Variants in USP2 observed in about 807,000 individuals in gnomAD.
The protein encoded by USP2 is ubiquitin specific peptidase 2.
A neutral mutation model predicts 72.0 loss-of-function variants in USP2; 33 were observed. The ratio of observed to expected loss-of-function variants is 0.46; its 90% CI spans 0.35 to 0.61. The LOEUF (loss-of-function observed/expected upper bound fraction) is 0.61. Among genes scored for constraint, USP2 ranks in the 20% least tolerant of loss-of-function variants. The pLI, the probability that USP2 is intolerant of heterozygous loss-of-function variation, is 0.01. For missense variants in USP2, 691 were observed against 797.8 expected (o/e 0.87, Z 1.61); for synonymous variants, 296 against 312.5 (o/e 0.95, Z 0.56).
intron 2 of USP2, among the ~76,000 whole-genome samples, chr11:119,361,656 T>G (rs1950767350): frequency 6.6e-6 from 1 of 151,954 alleles, no homozygotes; most frequent in South Asian, 2.1e-4. Flanking sequence ...AAGGAGGGCT[T>G]TTCTCAAGAA....
intron 12 of USP2, 75 bp downstream of exon 12, chr11:119,357,112 T>TTGGGGGGAGGGTGGAGGAG (rs2135384461): frequency 1.5e-6 from 1 of 669,064 alleles, no homozygotes; most frequent in Admixed American, 4.3e-5. Flanking sequence ...GGGGGTGGGT[T>TTGGGGGGAGGGTGGAGGAG]TGGGGGGAGG....
intron 2 of USP2, among the ~76,000 whole-genome samples, chr11:119,370,131 C>T (rs1327861946): frequency 3.9e-5 from 6 of 152,110 alleles, no homozygotes; most frequent in African/African-American, 9.7e-5. Flanking sequence ...GCCGAGATCG[C>T]ACCACTGCAC....
At chr11:119,359,178 G>A in intron 5 of USP2, 44 bp from the exon 6 acceptor site, 1 of 1,612,938 alleles carries the variant, frequency 6.2e-7, no homozygotes, top group Non-Finnish European at 8.5e-7. Flanking sequence ...CTTGTCCTAA[G>A]AACCTGCTCC....
chr11:119,378,816 C>T (rs894467565), intron 1 of USP2, among the ~76,000 whole-genome samples: 6 of 152,194 alleles, frequency 3.9e-5, no homozygotes, highest in African/African-American at 1.2e-4. Flanking sequence ...GGGAGAGCCC[C>T]GGTCTCCTTC....
intron 1 of USP2, among the ~76,000 whole-genome samples, chr11:119,380,534 T>C (rs758741764): frequency 6.6e-6 from 1 of 152,072 alleles, no homozygotes; most frequent in Non-Finnish European, 1.5e-5. Context: ...TCTTAGCCTC[T>C]CTGGCCTTGG....
chr11:119,376,298 G>A (rs1444470496), intron 1 of USP2: 2 of 985,568 alleles, frequency 2.0e-6, no homozygotes, highest in Non-Finnish European at 2.4e-6. Context: ...CCGGAGTCTC[G>A]CTGCGCAAGA....
At chr11:119,358,106 A>C in intron 8 of USP2, 43 bp downstream of exon 8, 1 of 1,614,116 alleles carries the variant, frequency 6.2e-7, no homozygotes, top group Non-Finnish European at 8.5e-7. Context: ...ACATGAAAGG[A>C]CAGGAGAGGG....
At chr11:119,377,842 G>A (rs996821759) in intron 1 of USP2, among the ~76,000 whole-genome samples, 1 of 152,296 alleles carries the variant, frequency 6.6e-6, no homozygotes, top group Non-Finnish European at 1.5e-5. Context: ...AGGAATTCCA[G>A]GCGCTCCTGG....
At chr11:119,359,948 C>T (rs1950737101) in intron 3 of USP2, among the ~76,000 whole-genome samples, 1 of 152,168 alleles carries the variant, frequency 6.6e-6, no homozygotes, top group African/African-American at 2.4e-5. Flanking sequence ...GGGGAATGAT[C>T]CAGGAGAGGA....
Position 119,357,509 on chromosome 11 carries a change from A to G in USP2, c.1583T>C (p.Leu528Ser). 1 of 1,614,064 alleles carries G rather than the reference A, an allele frequency of 6.2e-7. No homozygotes were observed. The highest frequency in any genetic ancestry group is 8.5e-7 in the Non-Finnish European group (1 of 1,180,010). The change falls in exon 11 of 13, where the codon TTA becomes TCA. Residue 528 changes from leucine to serine, a missense_variant. Physicochemically the swap from Leu to Ser is moderately radical, Grantham distance 145 (BLOSUM62 -2). Transcript: ENST00000260187. ...FVNFPLRDLD[L>S]REFASENTNH... is the part of the protein sequence containing the mutation. Reference sequence around the variant, plus strand: ...GGTGTTTTCTGAGGCAAATTCTCTTAAGTCCAGGTCTCTTAGGGGGAAGTT... The same window carrying G: ...GGTGTTTTCTGAGGCAAATTCTCTTGAGTCCAGGTCTCTTAGGGGGAAGTT...
intron 11 of USP2, 71 bp downstream of exon 11, chr11:119,357,412 T>C (rs1591314466): frequency 6.3e-7 from 1 of 1,586,492 alleles, no homozygotes. Flanking sequence ...GCAGCTCCCC[T>C]TCCTCCTGCC....
chr11:119,371,779 T>TGTCCACCC (rs1490508030), intron 2 of USP2, among the ~76,000 whole-genome samples: 1 of 152,172 alleles, frequency 6.6e-6, no homozygotes, highest in East Asian at 1.9e-4. Context: ...CCTGTCCATC[T>TGTCCACCC]GTCCACCCGC....
intron 1 of USP2, among the ~76,000 whole-genome samples, chr11:119,374,112 G>C (rs1046803396): frequency 6.6e-6 from 1 of 152,180 alleles, no homozygotes; most frequent in East Asian, 1.9e-4. Flanking sequence ...GGCCGTGAGT[G>C]AGCATGCAAC....
chr11:119,372,051 C>T (rs1950935016), intron 2 of USP2, among the ~76,000 whole-genome samples: 1 of 152,234 alleles, frequency 6.6e-6, no homozygotes, highest in Non-Finnish European at 1.5e-5. Flanking sequence ...CAGTCTCCAG[C>T]AGAGCCTCTT....
At chr11:119,374,291 A>C (rs1356271556) in intron 1 of USP2, among the ~76,000 whole-genome samples, 1 of 152,154 alleles carries the variant, frequency 6.6e-6, no homozygotes, top group Non-Finnish European at 1.5e-5. Flanking sequence ...CTTCCTCTAC[A>C]AACACAGATC....
At chr11:119,359,441 G>C in intron 4 of USP2, 96 bp downstream of exon 4, 1 of 1,593,454 alleles carries the variant, frequency 6.3e-7, no homozygotes, top group Non-Finnish European at 8.5e-7. Flanking sequence ...AAGACAGACA[G>C]GATAGGAGTG....
chr11:119,374,628 G>A (rs1221632508), intron 1 of USP2, among the ~76,000 whole-genome samples: 1 of 152,152 alleles, frequency 6.6e-6, no homozygotes. Flanking sequence ...TCAGATTTAG[G>A]GTCAGTTGGG....
Position 119,359,346 on chromosome 11 carries a change from T to C in USP2, c.950-4A>G, listed in dbSNP as rs1300136353. ...GTCTGAATTAGTTTTGCAAACTCTA[T>C]TGGAAGGAGAGAGTGTACAGGACAG... On this transcript the variant is annotated splice_polypyrimidine_tract_variant and splice_region_variant and intron_variant, in intron 4 of 12. Transcript: ENST00000260187. 1.2e-6 allele frequency: 2 copies of C among 1,612,236 alleles called. No homozygotes were observed. The highest frequency in any genetic ancestry group is 1.7e-6 in the Non-Finnish European group (2 of 1,178,986).
At chr11:119,359,696 A>G in intron 3 of USP2, 36 bp from the exon 4 acceptor site, 3 of 1,607,750 alleles carry the variant, frequency 1.9e-6, no homozygotes, top group Non-Finnish European at 2.5e-6. Context: ...TGGGGAGACG[A>G]GAGTCCCACC....
Sources: gnomAD v4.1 joint callset for allele counts (sites outside exome capture counted in the v4.1 genomes callset) on GRCh38, gnomAD v4.1.1 for gene constraint, MANE v1.5 for transcripts, NCBI Gene and HGNC (gene_info 2026-07-23, HGNC 2026-07-21) for gene names.